The following TBC1D5 variants were observed in gnomAD, a reference collection of about 807,000 sequenced individuals.
TBC1D5 encodes the protein TBC1 domain family, member 5.
Under a neutral mutation model 100.3 loss-of-function variants are expected in TBC1D5, and 75 were observed. That is an observed-to-expected ratio of 0.75 (90% CI 0.62 to 0.91). The LOEUF is 0.91. Among genes scored for constraint, TBC1D5 ranks in the 40% least tolerant of loss-of-function variants. TBC1D5 has a pLI of 0.00. For synonymous variants in TBC1D5, 323 were observed against 325.6 expected (o/e 0.99, Z 0.09); for missense variants, 910 against 942.4 (o/e 0.97, Z 0.45).
chr3:17,226,795 G>C (rs1474335112), intron 17 of TBC1D5, among the ~76,000 whole-genome samples: 1 of 152,106 alleles, frequency 6.6e-6, no homozygotes, highest in Non-Finnish European at 1.5e-5. Context: ...TCACAGTTTG[G>C]TCTTCAGAAT....
intron 14 of TBC1D5, among the ~76,000 whole-genome samples, chr3:17,295,157 T>C (rs2082125439): frequency 6.6e-6 from 1 of 152,008 alleles, no homozygotes; most frequent in Non-Finnish European, 1.5e-5. Context: ...TTCTAAAGAG[T>C]TGATTTAGGG....
At chr3:17,540,125 C>T (rs11920751) in intron 2 of TBC1D5, among the ~76,000 whole-genome samples, 10,509 of 152,202 alleles carry the variant, frequency 0.069, 715 homozygotes, top group African/African-American at 0.18. Context: ...GTACCAATTG[C>T]CATTTGTATA....
chr3:17,304,446 C>T (rs2083189516), intron 14 of TBC1D5, among the ~76,000 whole-genome samples: 1 of 152,106 alleles, frequency 6.6e-6, no homozygotes, highest in Admixed American at 6.5e-5. Flanking sequence ...TGCTCTGTCA[C>T]CCACACTCTG....
intron 1 of TBC1D5, among the ~76,000 whole-genome samples, chr3:17,640,922 T>C (rs865959280): frequency 1.3e-5 from 2 of 151,994 alleles, no homozygotes; most frequent in Middle Eastern, 3.4e-3. Flanking sequence ...CCACAGGATA[T>C]TCTTCCAGGA....
intron 17 of TBC1D5, among the ~76,000 whole-genome samples, chr3:17,227,438 TG>T (rs764984968): frequency 6.6e-6 from 1 of 152,184 alleles, no homozygotes; most frequent in Non-Finnish European, 1.5e-5. Context: ...ATTATTTCAA[TG>T]TTTTTTTGGG....
intron 2 of TBC1D5, among the ~76,000 whole-genome samples, chr3:17,571,982 G>A (rs538946045): frequency 4.6e-5 from 7 of 152,042 alleles, no homozygotes; most frequent in Admixed American, 2.6e-4. Context: ...CCAACACAAG[G>A]CATCTCTAAT....
rs189958978 is a variant in TBC1D5, at chr3:17,550,029, C to T, written c.-35-41424G>A. 2.4e-4 allele frequency among the ~76,000 whole-genome samples: 36 copies of T among 151,822 alleles called. 2 individuals are homozygous for T. Among genetic ancestry groups the T allele is most frequent in the South Asian group, 1.2e-3 (6 of 4,802 alleles). On this transcript the variant is annotated intron_variant, in intron 2 of 21. Transcript: ENST00000253692. The stretch of plus-strand genomic sequence containing the variant: ...AAAGTGGATTGTCATGTGAAAGATA[C>T]AATTAATCCATTTTACTTCACAATC...
chr3:17,483,882 T>C (rs1397945239), intron 3 of TBC1D5, among the ~76,000 whole-genome samples: 1 of 152,236 alleles, frequency 6.6e-6, no homozygotes, highest in African/African-American at 2.4e-5. Flanking sequence ...AAATAAATAC[T>C]GTCTATTGAA....
chr3:17,336,979 T>G (rs1477795480), intron 13 of TBC1D5, among the ~76,000 whole-genome samples: 1 of 152,140 alleles, frequency 6.6e-6, no homozygotes, highest in East Asian at 1.9e-4. Flanking sequence ...AAGAATCCAT[T>G]CTGGCTTTAT....
At chr3:17,515,082 CAG>C (rs1290813305) in intron 2 of TBC1D5, among the ~76,000 whole-genome samples, 10 of 151,726 alleles carry the variant, frequency 6.6e-5, no homozygotes, top group African/African-American at 1.5e-4. Context: ...AAAGAGAAAA[CAG>C]AAATCATAAT....
At chr3:17,654,504 T>G (rs1273267519) in intron 1 of TBC1D5, among the ~76,000 whole-genome samples, 2 of 152,204 alleles carry the variant, frequency 1.3e-5, no homozygotes, top group Non-Finnish European at 2.9e-5. Context: ...AACCCAGGGA[T>G]GAAGCCCACT....
At chr3:17,643,455 C>T (rs574243955) in intron 1 of TBC1D5, among the ~76,000 whole-genome samples, 13 of 152,102 alleles carry the variant, frequency 8.5e-5, no homozygotes, top group Admixed American at 3.3e-4. Flanking sequence ...TCTATTTCTC[C>T]TTAAATGTTC....
intron 1 of TBC1D5, among the ~76,000 whole-genome samples, chr3:17,627,660 GT>G (rs796752243): frequency 7.6e-4 from 111 of 145,544 alleles, no homozygotes; most frequent in East Asian, 7.5e-3. Flanking sequence ...AATATTCTGG[GT>G]TTTTTTTTTT....
In TBC1D5 at chr3:17,447,615, T is replaced by C. The variant is rs546085416; in HGVS notation, c.98-19096A>G. ...AGCAGAGTCAATCTTCAGGAAATCA[T>C]AAGTTTAAATTACAAAGGTTTTGAA... On this transcript the variant is annotated intron_variant, in intron 3 of 21. Coordinates refer to ENST00000253692, the Ensembl canonical transcript of TBC1D5. Among the ~76,000 whole-genome samples the C allele has an allele frequency of 2.0e-4, 30 of 152,328 alleles. No homozygotes were observed. In the East Asian group the frequency reaches 5.8e-3, roughly 29 times the overall value.
chr3:17,732,305 G>C (rs28538955), intron 1 of TBC1D5, among the ~76,000 whole-genome samples: 1 of 151,876 alleles, frequency 6.6e-6, no homozygotes, highest in Admixed American at 6.6e-5. Context: ...GCAACAGAGC[G>C]AGACTCCATC....
chr3:17,364,126 G>T (rs544880730), intron 13 of TBC1D5, among the ~76,000 whole-genome samples: 1 of 152,042 alleles, frequency 6.6e-6, no homozygotes, highest in South Asian at 2.1e-4. Context: ...ATCGTCATTG[G>T]AAGATAGGCT....
At chr3:17,248,890 CA>C (rs1166487144) in intron 16 of TBC1D5, among the ~76,000 whole-genome samples, 3 of 152,160 alleles carry the variant, frequency 2.0e-5, no homozygotes, top group Non-Finnish European at 4.4e-5. Flanking sequence ...ATCATAGATA[CA>C]TCTTCTGGAT....
At chr3:17,408,459 G>C (rs1365676412) in intron 4 of TBC1D5, among the ~76,000 whole-genome samples, 1 of 151,862 alleles carries the variant, frequency 6.6e-6, no homozygotes, top group Non-Finnish European at 1.5e-5. Flanking sequence ...ACTCAGGAGG[G>C]ACCACAGGCA....
chr3:17,395,339 T>C (rs1014536364), intron 8 of TBC1D5, among the ~76,000 whole-genome samples: 4 of 152,112 alleles, frequency 2.6e-5, no homozygotes, highest in Admixed American at 6.6e-5. Flanking sequence ...ACACTGTATA[T>C]GTACTTTCAG....
Sources: allele counts gnomAD v4.1 joint callset (sites outside exome capture counted in the v4.1 genomes callset), GRCh38; gene constraint gnomAD v4.1.1; transcripts MANE v1.5; gene names NCBI Gene and HGNC (gene_info 2026-07-23, HGNC 2026-07-21).